DOCK3: variants seen among roughly 807,000 people sequenced by gnomAD.
DOCK3 encodes dedicator of cytokinesis 3.
DOCK3 carries 60 observed loss-of-function variants against 265.6 expected under a neutral mutation model. The ratio of observed to expected loss-of-function variants is 0.23; its 90% CI spans 0.18 to 0.28. The LOEUF (loss-of-function observed/expected upper bound fraction) is 0.28. Ranked by LOEUF, DOCK3 falls within the 10% of genes least tolerant of loss-of-function variation. The probability of loss-of-function intolerance (pLI) is 1.00; values close to 1 mark genes in which losing one functional copy is unlikely to be tolerated. For missense variants in DOCK3, 1,981 were observed against 2,594.3 expected (o/e 0.76, Z 5.14); for synonymous variants, 881 against 938.0 (o/e 0.94, Z 1.11).
At chr3:50,785,391 G>A (rs945619684) in intron 2 of DOCK3, among the ~76,000 whole-genome samples, 4 of 152,244 alleles carry the variant, frequency 2.6e-5, no homozygotes, top group African/African-American at 4.8e-5. Flanking sequence ...TCCATGTCTT[G>A]TTCCAGTTCT....
At chr3:50,693,005 C>G (rs904293555) in intron 1 of DOCK3, among the ~76,000 whole-genome samples, 1 of 152,146 alleles carries the variant, frequency 6.6e-6, no homozygotes, top group Non-Finnish European at 1.5e-5. Flanking sequence ...ATTAAATGGT[C>G]TTGGCACCAT....
intron 25 of DOCK3, 40 bp downstream of exon 25, chr3:51,275,246 C>T (rs1359216195): frequency 3.1e-6 from 5 of 1,611,542 alleles, no homozygotes; most frequent in Admixed American, 3.3e-5. Flanking sequence ...TCAGCTCTTC[C>T]CTAGTCTTGT....
At chr3:50,928,850 C>T (rs761597121) in intron 4 of DOCK3, among the ~76,000 whole-genome samples, 1 of 152,116 alleles carries the variant, frequency 6.6e-6, no homozygotes, top group Non-Finnish European at 1.5e-5. Context: ...CAGTAGAAAC[C>T]ATACTTTGGG....
At chr3:50,973,349 T>G (rs1421069256) in intron 5 of DOCK3, among the ~76,000 whole-genome samples, 1 of 140,754 alleles carries the variant, frequency 7.1e-6, no homozygotes, top group Non-Finnish European at 1.5e-5. Context: ...CCATGTGATC[T>G]CATTGTTCAA....
At chr3:51,340,222 A>G (rs1183465186) in intron 37 of DOCK3, among the ~76,000 whole-genome samples, 1 of 152,198 alleles carries the variant, frequency 6.6e-6, no homozygotes. Context: ...AAAGAGTGCT[A>G]AGCCTTGTCT....
At chr3:50,979,392 G>T (rs2077609212) in intron 5 of DOCK3, among the ~76,000 whole-genome samples, 1 of 152,168 alleles carries the variant, frequency 6.6e-6, no homozygotes, top group Non-Finnish European at 1.5e-5. Flanking sequence ...TCAGTGGGAG[G>T]TGTTTGGGTC....
chr3:51,369,466 A>G (rs2087511104), intron 49 of DOCK3, among the ~76,000 whole-genome samples: 1 of 152,240 alleles, frequency 6.6e-6, no homozygotes, highest in African/African-American at 2.4e-5. Flanking sequence ...CAAATGAATG[A>G]AAATGAAGCG....
At chr3:50,896,144 A>G (rs1206728822) in intron 4 of DOCK3, among the ~76,000 whole-genome samples, 2 of 152,158 alleles carry the variant, frequency 1.3e-5, no homozygotes, top group Non-Finnish European at 2.9e-5. Flanking sequence ...CGAACAGTGT[A>G]AAAGTGTTCC....
At chr3:51,087,915 G>C (rs1380665590) in intron 7 of DOCK3, among the ~76,000 whole-genome samples, 1 of 151,988 alleles carries the variant, frequency 6.6e-6, no homozygotes, top group East Asian at 1.9e-4. Flanking sequence ...CAAAAAGAAA[G>C]AAAAATCAGT....
chr3:51,356,030 G>T, intron 41 of DOCK3, 59 bp from the exon 42 acceptor site: 1 of 1,605,026 alleles, frequency 6.2e-7, no homozygotes, highest in Non-Finnish European at 8.5e-7. Flanking sequence ...AGATGACAGG[G>T]GTCAGCCTCT....
intron 1 of DOCK3, among the ~76,000 whole-genome samples, chr3:50,717,271 A>G (rs1157963385): frequency 6.6e-6 from 1 of 152,214 alleles, no homozygotes; most frequent in Non-Finnish European, 1.5e-5. Context: ...AAAGTTACAG[A>G]TGTTGGACAT....
intron 4 of DOCK3, among the ~76,000 whole-genome samples, chr3:50,895,298 T>C (rs1575469564): frequency 6.6e-6 from 1 of 151,990 alleles, no homozygotes; most frequent in Non-Finnish European, 1.5e-5. Flanking sequence ...CGTGCAGTTT[T>C]GTTATACAGG....
intron 49 of DOCK3, among the ~76,000 whole-genome samples, chr3:51,372,861 ATCT>A (rs1344719736): frequency 1.3e-5 from 2 of 152,212 alleles, no homozygotes; most frequent in Non-Finnish European, 2.9e-5. Context: ...TTACATAGCC[ATCT>A]TCTTGAGGTT....
intron 22 of DOCK3, among the ~76,000 whole-genome samples, chr3:51,249,047 T>G (rs2079004508): frequency 6.7e-6 from 1 of 149,484 alleles, no homozygotes; most frequent in Admixed American, 6.6e-5. Flanking sequence ...AGCCACCCCG[T>G]CTGGGAAGTG....
intron 12 of DOCK3, among the ~76,000 whole-genome samples, chr3:51,179,955 C>A (rs984211572): frequency 5.9e-5 from 9 of 151,324 alleles, no homozygotes; most frequent in Non-Finnish European, 1.0e-4. Context: ...TGCCTGTAAT[C>A]CCAGCACTTT....
intron 5 of DOCK3, among the ~76,000 whole-genome samples, chr3:50,968,964 G>A (rs1189783026): frequency 3.9e-5 from 6 of 152,170 alleles, no homozygotes; most frequent in Non-Finnish European, 8.8e-5. Context: ...TGGTTATTGG[G>A]TAGAGTGTTC....
chr3:51,058,536 G>A (rs1036458257), intron 5 of DOCK3, among the ~76,000 whole-genome samples: 1 of 152,198 alleles, frequency 6.6e-6, no homozygotes, highest in African/African-American at 2.4e-5. Context: ...TGTATTACAT[G>A]TGTATGTGTG....
intron 9 of DOCK3, among the ~76,000 whole-genome samples, chr3:51,103,083 A>T (rs1254510883): frequency 2.0e-5 from 3 of 152,240 alleles, no homozygotes; most frequent in Non-Finnish European, 2.9e-5. Context: ...AAAACTCTTT[A>T]TTAAATGTCT....
chr3:50,912,918 C>G (rs1289853406), intron 4 of DOCK3, among the ~76,000 whole-genome samples: 1 of 152,038 alleles, frequency 6.6e-6, no homozygotes, highest in Non-Finnish European at 1.5e-5. Context: ...ATCGAGGGCC[C>G]CTAGAGGCTG....
Sources: gnomAD v4.1 joint callset for allele counts (sites outside exome capture counted in the v4.1 genomes callset) on GRCh38, gnomAD v4.1.1 for gene constraint, MANE v1.5 for transcripts, NCBI Gene and HGNC (gene_info 2026-07-23, HGNC 2026-07-21) for gene names.